Variants in EYS observed in about 807,000 individuals in gnomAD.
EYS encodes EGF-like photoreceptor maintenance factor.
Under a neutral mutation model 282.1 loss-of-function variants are expected in EYS, and 250 were observed. That is an observed-to-expected ratio of 0.89 (90% CI 0.80 to 0.98). The LOEUF is 0.98. Among genes scored for constraint, EYS ranks in the 50% least tolerant of loss-of-function variants. The pLI is 0.00. For missense variants in EYS, 4,016 were observed against 3,709.0 expected (o/e 1.08, Z -2.15); for synonymous variants, 1,355 against 1,282.9 (o/e 1.06, Z -1.20).
chr6:64,730,708 C>A (rs1444948958), intron 22 of EYS: 2 of 152,058 alleles, frequency 1.3e-5, no homozygotes, highest in Non-Finnish European at 2.9e-5. Context: ...CATCTCTTGA[C>A]CTAGTGATCA....
intron 26 of EYS, among the ~76,000 whole-genome samples, chr6:64,577,879 T>G (rs1388788110): frequency 6.6e-6 from 1 of 152,144 alleles, no homozygotes; most frequent in Admixed American, 6.6e-5. Flanking sequence ...TGCATTATTT[T>G]CCTTTATTTG....
intron 11 of EYS, among the ~76,000 whole-genome samples, chr6:65,327,048 C>T (rs1769642026): frequency 1.3e-5 from 2 of 151,602 alleles, no homozygotes; most frequent in Non-Finnish European, 3.0e-5. Context: ...TGTTTATATA[C>T]TTAAATACTT....
At chr6:64,706,483 A>T (rs200580493) in intron 22 of EYS, among the ~76,000 whole-genome samples, 116 of 152,188 alleles carry the variant, frequency 7.6e-4, no homozygotes, top group Non-Finnish European at 1.3e-3. Context: ...AAACTAAAAA[A>T]CTCTGCACTG....
rs543549313 is a variant in EYS, at chr6:64,228,269, C to A, written c.6424+2323G>T. ...GAGTAAATGGTTAAAAATAAATATT[C>A]ATCACTTTAATATTTACGAATAAAA... On this transcript the variant is annotated intron_variant, in intron 31 of 42. Coordinates refer to ENST00000503581, the MANE Select transcript of EYS (RefSeq NM_001142800.2). Among the ~76,000 whole-genome samples the A allele has an allele frequency of 3.9e-5, 6 of 152,222 alleles. No individual in the cohort carries two copies. In the South Asian group the frequency reaches 1.2e-3, roughly 32 times the overall value.
intron 22 of EYS, among the ~76,000 whole-genome samples, chr6:64,788,084 T>G (rs571951569): frequency 6.6e-6 from 1 of 152,156 alleles, no homozygotes; most frequent in Non-Finnish European, 1.5e-5. Context: ...TTGTTTGTTT[T>G]AAGTGTTAGA....
At chr6:65,246,555 G>A (rs1210447665) in intron 12 of EYS, among the ~76,000 whole-genome samples, 3 of 151,990 alleles carry the variant, frequency 2.0e-5, no homozygotes, top group Non-Finnish European at 4.4e-5. Context: ...ACAGAAGCTT[G>A]GTGGTCACTG....
intron 31 of EYS, among the ~76,000 whole-genome samples, chr6:64,131,142 C>A (rs1021915754): frequency 1.3e-5 from 2 of 152,138 alleles, no homozygotes; most frequent in African/African-American, 4.8e-5. Context: ...GCTGGGATTA[C>A]AGGCATGAGC....
At chr6:64,895,418 C>G (rs775756064) in intron 18 of EYS, among the ~76,000 whole-genome samples, 1 of 152,036 alleles carries the variant, frequency 6.6e-6, no homozygotes, top group Non-Finnish European at 1.5e-5. Flanking sequence ...ATTGGCCTAC[C>G]CATTCAATGA....
At chr6:64,911,313 C>T (rs1767984111) in intron 16 of EYS, among the ~76,000 whole-genome samples, 1 of 152,040 alleles carries the variant, frequency 6.6e-6, no homozygotes, top group South Asian at 2.1e-4. Context: ...CTCTCATATG[C>T]TCTATAAAGC....
intron 22 of EYS, among the ~76,000 whole-genome samples, chr6:64,783,360 A>G (rs1378284985): frequency 6.6e-6 from 1 of 151,130 alleles, no homozygotes; most frequent in Non-Finnish European, 1.5e-5. Flanking sequence ...ACATATATAC[A>G]TATTATATAT....
intron 13 of EYS, among the ~76,000 whole-genome samples, chr6:65,039,231 A>G (rs1463557876): frequency 6.6e-6 from 1 of 151,518 alleles, no homozygotes; most frequent in Non-Finnish European, 1.5e-5. Context: ...CCGTATGAAT[A>G]TCTACCATTT....
At chr6:64,040,715 A>G (rs1015499149) in intron 33 of EYS, among the ~76,000 whole-genome samples, 18 of 152,224 alleles carry the variant, frequency 1.2e-4, no homozygotes, top group Non-Finnish European at 2.1e-4. Context: ...CACATTGTCT[A>G]TGGCTGCTCT....
intron 26 of EYS, among the ~76,000 whole-genome samples, chr6:64,563,985 C>G (rs1052416971): frequency 6.6e-6 from 1 of 151,520 alleles, no homozygotes; most frequent in Admixed American, 6.6e-5. Flanking sequence ...AATATGGATT[C>G]AACATTTAGT....
At chr6:64,389,496 C>T (rs1773028945) in intron 28 of EYS, among the ~76,000 whole-genome samples, 1 of 152,170 alleles carries the variant, frequency 6.6e-6, no homozygotes, top group Non-Finnish European at 1.5e-5. Flanking sequence ...GATTGGCAAA[C>T]TATACCCTAG....
chr6:64,340,587 T>C (rs1193261390), intron 29 of EYS, among the ~76,000 whole-genome samples: 2 of 151,728 alleles, frequency 1.3e-5, no homozygotes, highest in African/African-American at 4.8e-5. Flanking sequence ...GGATTAAAGA[T>C]TTAAATATAA....
intron 1 of EYS, among the ~76,000 whole-genome samples, chr6:65,663,207 C>A (rs1203786732): frequency 3.3e-5 from 5 of 152,076 alleles, no homozygotes; most frequent in Admixed American, 3.3e-4. Context: ...TCTAAAAATT[C>A]ATGCTAGTTT....
chr6:64,014,238 G>T (rs889233999), intron 33 of EYS, among the ~76,000 whole-genome samples: 1 of 151,732 alleles, frequency 6.6e-6, no homozygotes, highest in African/African-American at 2.4e-5. Flanking sequence ...GATGATATTG[G>T]TAGGTGGAGA....
chr6:65,579,101 T>A (rs1339214575), intron 2 of EYS, among the ~76,000 whole-genome samples: 1 of 152,144 alleles, frequency 6.6e-6, no homozygotes, highest in Non-Finnish European at 1.5e-5. Context: ...AATGGCCAAC[T>A]CAACTTTGAC....
At chr6:64,292,621 C>T (rs1768754082) in intron 30 of EYS, among the ~76,000 whole-genome samples, 1 of 151,956 alleles carries the variant, frequency 6.6e-6, no homozygotes, top group African/African-American at 2.4e-5. Context: ...ATATTTACAT[C>T]TTTGTTTTTT....
Sources: gnomAD v4.1 joint callset for allele counts (sites outside exome capture counted in the v4.1 genomes callset) on GRCh38, gnomAD v4.1.1 for gene constraint, MANE v1.5 for transcripts, NCBI Gene and HGNC (gene_info 2026-07-23, HGNC 2026-07-21) for gene names.